The following ITGA9 variants were observed in gnomAD, a reference collection of about 807,000 sequenced individuals.
ITGA9 encodes integrin alpha-9.
ITGA9 carries 56 observed loss-of-function variants against 127.8 expected under a neutral mutation model. The observed-to-expected ratio is 0.44, with a 90% CI of 0.35 to 0.55. The LOEUF is 0.55. Ranked by LOEUF, ITGA9 falls within the 20% of genes least tolerant of loss-of-function variation. The pLI is 0.00. For synonymous variants in ITGA9, 508 were observed against 514.5 expected (o/e 0.99, Z 0.17); for missense variants, 1,196 against 1,347.1 (o/e 0.89, Z 1.76).
intron 23 of ITGA9, among the ~76,000 whole-genome samples, chr3:37,756,397 A>C (rs1696653030): frequency 6.6e-6 from 1 of 152,194 alleles, no homozygotes; most frequent in African/African-American, 2.4e-5. Context: ...CAGTCATTGC[A>C]AGAAAATTTA....
intron 14 of ITGA9, among the ~76,000 whole-genome samples, chr3:37,536,500 T>C (rs570702624): frequency 6.6e-6 from 1 of 152,372 alleles, no homozygotes; most frequent in East Asian, 1.9e-4. Context: ...TGACCTGCTC[T>C]CTGAGGATGG....
At chr3:37,677,906 T>C (rs190677620) in intron 17 of ITGA9, among the ~76,000 whole-genome samples, 62 of 152,384 alleles carry the variant, frequency 4.1e-4, no homozygotes, top group African/African-American at 1.5e-3. Context: ...AGAGTATCTG[T>C]GATTTTTTTG....
chr3:37,666,114 A>T (rs1035122365), intron 17 of ITGA9, among the ~76,000 whole-genome samples: 1 of 152,230 alleles, frequency 6.6e-6, no homozygotes, highest in African/African-American at 2.4e-5. Flanking sequence ...GGGGAGACAC[A>T]CATGAAAACA....
intron 18 of ITGA9, among the ~76,000 whole-genome samples, chr3:37,726,841 T>C (rs1033677569): frequency 6.6e-6 from 1 of 152,254 alleles, no homozygotes; most frequent in Admixed American, 6.5e-5. Context: ...AGTGTGCTTT[T>C]CATCACTGTG....
intron 5 of ITGA9, among the ~76,000 whole-genome samples, chr3:37,498,449 C>T (rs879518338): frequency 2.0e-5 from 3 of 151,554 alleles, no homozygotes; most frequent in Non-Finnish European, 4.4e-5. Flanking sequence ...GCAAGTCAGG[C>T]ATTGGGCTGA....
chr3:37,556,855 G>T (rs1397607790), intron 15 of ITGA9, among the ~76,000 whole-genome samples: 2 of 152,214 alleles, frequency 1.3e-5, no homozygotes, highest in African/African-American at 4.8e-5. Flanking sequence ...AACAACGTGG[G>T]GCCAGGCTTG....
intron 17 of ITGA9, among the ~76,000 whole-genome samples, chr3:37,677,951 A>T (rs1445080255): frequency 2.0e-5 from 3 of 152,230 alleles, no homozygotes; most frequent in Non-Finnish European, 2.9e-5. Context: ...TGCTGCCCCT[A>T]GTTATGATAT....
At chr3:37,652,686 G>A (rs1293555746) in intron 16 of ITGA9, among the ~76,000 whole-genome samples, 3 of 152,010 alleles carry the variant, frequency 2.0e-5, no homozygotes, top group Non-Finnish European at 4.4e-5. Flanking sequence ...TACATTTTGG[G>A]GAAAAAACTC....
intron 5 of ITGA9, among the ~76,000 whole-genome samples, chr3:37,495,662 A>C (rs1405666827): frequency 6.6e-6 from 1 of 152,190 alleles, no homozygotes; most frequent in African/African-American, 2.4e-5. Context: ...ACTGGCCCTG[A>C]TTGGTCTTCT....
At chr3:37,708,666 C>G in intron 18 of ITGA9, among the ~76,000 whole-genome samples, 1 of 152,304 alleles carries the variant, frequency 6.6e-6, no homozygotes, top group Non-Finnish European at 1.5e-5. Context: ...ATGCACAGGA[C>G]AGCTCCCCAT....
At chr3:37,658,007 G>A (rs1226791572) in intron 17 of ITGA9, among the ~76,000 whole-genome samples, 1 of 152,212 alleles carries the variant, frequency 6.6e-6, no homozygotes, top group Non-Finnish European at 1.5e-5. Context: ...GCAGTTTTGA[G>A]TGAGTTTCTT....
chr3:37,638,814 G>A (rs1331160552), intron 16 of ITGA9, among the ~76,000 whole-genome samples: 1 of 152,198 alleles, frequency 6.6e-6, no homozygotes, highest in South Asian at 2.1e-4. Flanking sequence ...TGCACAGACT[G>A]TGTGTGTAAC....
At position 37,517,422 on chromosome 3, in the gene ITGA9, C is replaced by G. The variant is rs1553643594; in HGVS notation, c.1036-82C>G. On this transcript the variant is annotated intron_variant, in intron 9 of 27. Transcript: ENST00000264741. Reference sequence around the variant, plus strand: ...GTGCTCTAGCAGGGCAGCATTCAAACTCTGGTTTTTTATTGATTTTTATTG... The same window carrying G: ...GTGCTCTAGCAGGGCAGCATTCAAAGTCTGGTTTTTTATTGATTTTTATTG... The G allele has an allele frequency of 8.0e-6, 9 of 1,121,946 alleles. No homozygotes were observed. The South Asian group carries it at 1.2e-4, about 15-fold the overall frequency. 69.5% of individuals were successfully genotyped at this position (1,121,946 alleles called of 1,614,324 possible). A position where few individuals can be genotyped will look rare whatever the true frequency, so the allele number is the denominator to read the frequency against.
intron 16 of ITGA9, among the ~76,000 whole-genome samples, chr3:37,649,243 G>T (rs1384803312): frequency 6.6e-6 from 1 of 151,770 alleles, no homozygotes; most frequent in Non-Finnish European, 1.5e-5. Flanking sequence ...TACTTTAAAT[G>T]TAAAAAGACT....
At chr3:37,551,262 T>G (rs1699375660) in intron 15 of ITGA9, among the ~76,000 whole-genome samples, 2 of 152,156 alleles carry the variant, frequency 1.3e-5, no homozygotes, top group South Asian at 4.2e-4. Context: ...TCCGTGCACA[T>G]TTGGGATTCT....
At chr3:37,582,384 A>G (rs1699717850) in intron 15 of ITGA9, among the ~76,000 whole-genome samples, 1 of 152,228 alleles carries the variant, frequency 6.6e-6, no homozygotes, top group Non-Finnish European at 1.5e-5. Flanking sequence ...TTGTTTAAGA[A>G]GGGGCAGCAA....
chr3:37,817,090 C>T (rs1697444127), intron 27 of ITGA9, among the ~76,000 whole-genome samples: 1 of 152,222 alleles, frequency 6.6e-6, no homozygotes, highest in Non-Finnish European at 1.5e-5. Flanking sequence ...AGCTTATGAC[C>T]ATCAGGGTGG....
intron 15 of ITGA9, among the ~76,000 whole-genome samples, chr3:37,628,450 C>T (rs1257442721): frequency 6.6e-6 from 1 of 152,186 alleles, no homozygotes; most frequent in Non-Finnish European, 1.5e-5. Flanking sequence ...GCCATGTGCC[C>T]TGGGGAACTG....
intron 15 of ITGA9, among the ~76,000 whole-genome samples, chr3:37,619,900 C>T (rs181475517): frequency 2.0e-5 from 3 of 151,660 alleles, no homozygotes; most frequent in Non-Finnish European, 2.9e-5. Context: ...CTCAGCCTTC[C>T]AGTCTCTTAG....
Sources: allele counts gnomAD v4.1 joint callset (sites outside exome capture counted in the v4.1 genomes callset), GRCh38; gene constraint gnomAD v4.1.1; transcripts MANE v1.5; gene names NCBI Gene and HGNC (gene_info 2026-07-23, HGNC 2026-07-21).